The following NEGR1 variants were observed in gnomAD, a reference collection of about 807,000 sequenced individuals.
NEGR1 encodes neuronal growth regulator 1, also known as IgLON family member 4.
A neutral mutation model predicts 40.9 loss-of-function variants in NEGR1; 10 were observed. The observed-to-expected ratio is 0.24, with a 90% confidence interval of 0.15 to 0.42. The LOEUF (loss-of-function observed/expected upper bound fraction) is 0.42, where lower values mean the gene tolerates loss of function less well. NEGR1 is among the 10% of genes least tolerant of loss of function. NEGR1 has a pLI of 1.00. For missense variants in NEGR1, 352 were observed against 438.9 expected (o/e 0.80, Z 1.77); for synonymous variants, 185 against 166.8 (o/e 1.11, Z -0.84).
At position 72,216,384 on chromosome 1, in the gene NEGR1, C is replaced by T. The variant is rs370971599; in HGVS notation, c.176+65935G>A. 3.9e-4 allele frequency among the ~76,000 whole-genome samples: 51 copies of T among 129,246 alleles called. 1 individual carries two copies. The South Asian group carries it at 0.01, about 26-fold the overall frequency. 84.8% of individuals were successfully genotyped at this position (129,246 alleles called of 152,430 possible). Reference sequence around the variant, plus strand: ...AGAACTTGGAAGTTATATATATATACATATATATATATATATACATATATA... The same window carrying T: ...AGAACTTGGAAGTTATATATATATATATATATATATATATATACATATATA... On this transcript the variant is annotated intron_variant, in intron 1 of 6. Transcript: ENST00000357731.
rs189783905 is a variant in NEGR1 at position 71,943,238 on chromosome 1, A to G, written c.177-7927T>C. On this transcript the variant is annotated intron_variant, in intron 1 of 6. Transcript: ENST00000357731. ...AAGTTTGTTTTATGTATATACTCAC[A>G]CATACACACACATACATACACATGT... is the stretch of plus-strand genomic sequence containing the variant. Among the ~76,000 whole-genome samples, 874 of 147,562 alleles carry G rather than the reference A, an allele frequency of 5.9e-3. 11 individuals are homozygous for G. Among genetic ancestry groups the G allele is most frequent in the Non-Finnish European group, 5.3e-3 (355 of 67,556 alleles).
At chr1:71,429,959 T>C (rs550239316) in intron 6 of NEGR1, among the ~76,000 whole-genome samples, 14 of 152,344 alleles carry the variant, frequency 9.2e-5, no homozygotes, top group African/African-American at 2.4e-4. Flanking sequence ...CTGCCTACTA[T>C]GTTCAAGGCC....
intron 6 of NEGR1, among the ~76,000 whole-genome samples, chr1:71,564,388 C>T: frequency 6.6e-6 from 1 of 152,030 alleles, no homozygotes; most frequent in Non-Finnish European, 1.5e-5. Context: ...AGGATTTGGA[C>T]CCAGTTCTGT....
chr1:71,669,377 T>A (rs887679189), intron 4 of NEGR1, among the ~76,000 whole-genome samples: 1 of 152,058 alleles, frequency 6.6e-6, no homozygotes, highest in African/African-American at 2.4e-5. Flanking sequence ...ACTTGTTTTT[T>A]AAAATCTACT....
At chr1:71,915,277 C>A (rs1402948123) in intron 2 of NEGR1, among the ~76,000 whole-genome samples, 1 of 151,996 alleles carries the variant, frequency 6.6e-6, no homozygotes. Flanking sequence ...TTGGCATATG[C>A]ATTTATCTAT....
intron 1 of NEGR1, among the ~76,000 whole-genome samples, chr1:71,991,957 A>C (rs1021275889): frequency 2.6e-5 from 4 of 151,766 alleles, no homozygotes; most frequent in African/African-American, 9.7e-5. Context: ...ACACCTGGCT[A>C]ATTTTTTTTT....
At chr1:71,747,242 G>A (rs1433340916) in intron 3 of NEGR1, among the ~76,000 whole-genome samples, 1 of 152,014 alleles carries the variant, frequency 6.6e-6, no homozygotes, top group African/African-American at 2.4e-5. Flanking sequence ...AAAGGATGAA[G>A]TATTTCCTTT....
At position 72,139,423 on chromosome 1, in the gene NEGR1, A is replaced by C. The variant is rs528268548; in HGVS notation, c.176+142896T>G. Among the ~76,000 whole-genome samples the C allele has an allele frequency of 1.1e-3, 160 of 152,178 alleles. 1 individual carries two copies. The highest frequency in any genetic ancestry group is 1.5e-3 in the Non-Finnish European group (100 of 67,954). ...TCATACTGATCAGAAAAAAATAAAAATATTTGATCATTATCAAGAAATATG... is the reference window on the plus strand; with the variant it reads ...TCATACTGATCAGAAAAAAATAAAACTATTTGATCATTATCAAGAAATATG... On this transcript the variant is annotated intron_variant, in intron 1 of 6. Coordinates refer to ENST00000357731, the MANE Select transcript of NEGR1 (RefSeq NM_173808.3).
At chr1:72,056,359 A>G (rs146088890) in intron 1 of NEGR1, among the ~76,000 whole-genome samples, 124 of 151,466 alleles carry the variant, frequency 8.2e-4, no homozygotes, top group African/African-American at 3.0e-3. Context: ...TGGCAATACA[A>G]GGAGGGTTAC....
intron 3 of NEGR1, among the ~76,000 whole-genome samples, chr1:71,745,621 T>C (rs1462142773): frequency 6.6e-6 from 1 of 152,108 alleles, no homozygotes; most frequent in Non-Finnish European, 1.5e-5. Context: ...GTAAAAATTT[T>C]GGGAAAGTTT....
At chr1:72,268,615 C>T (rs1655734482) in intron 1 of NEGR1, among the ~76,000 whole-genome samples, 1 of 150,740 alleles carries the variant, frequency 6.6e-6, no homozygotes, top group African/African-American at 2.4e-5. Flanking sequence ...TAACAGATTA[C>T]CTATAGGAAA....
At chr1:71,818,309 A>T (rs959767500) in intron 2 of NEGR1, among the ~76,000 whole-genome samples, 4 of 152,068 alleles carry the variant, frequency 2.6e-5, no homozygotes, top group Non-Finnish European at 5.9e-5. Flanking sequence ...AGTAGACTGG[A>T]TCAACAAAAT....
chr1:71,611,276 C>T (rs895483338), intron 4 of NEGR1, 130 bp from the exon 5 acceptor site: 3 of 765,016 alleles, frequency 3.9e-6, no homozygotes, highest in South Asian at 1.8e-5. Context: ...CAACGCATCA[C>T]ATTTTCAGTG....
At chr1:71,924,975 C>A (rs557132284) in intron 2 of NEGR1, among the ~76,000 whole-genome samples, 1 of 151,420 alleles carries the variant, frequency 6.6e-6, no homozygotes, top group African/African-American at 2.4e-5. Flanking sequence ...TTAAGCAAAA[C>A]GATTGGCATG....
chr1:71,767,055 T>C (rs1656158734), intron 3 of NEGR1, among the ~76,000 whole-genome samples: 1 of 152,224 alleles, frequency 6.6e-6, no homozygotes, highest in African/African-American at 2.4e-5. Context: ...GTCTCGGGTA[T>C]TTCTTTATAG....
chr1:71,890,190 A>T (rs1364280707), intron 2 of NEGR1, among the ~76,000 whole-genome samples: 1 of 115,852 alleles, frequency 8.6e-6, no homozygotes, highest in African/African-American at 3.4e-5. Context: ...TAACATCATA[A>T]TGACAGGATC....
intron 1 of NEGR1, among the ~76,000 whole-genome samples, chr1:71,940,961 G>T (rs61765311): frequency 0.12 from 17,954 of 152,148 alleles, 1,153 homozygotes; most frequent in Middle Eastern, 0.21. Flanking sequence ...TTATTCAGCT[G>T]TATGGAGAAA....
At chr1:71,763,584 T>C (rs1206904802) in intron 3 of NEGR1, among the ~76,000 whole-genome samples, 1 of 152,172 alleles carries the variant, frequency 6.6e-6, no homozygotes, top group Non-Finnish European at 1.5e-5. Context: ...TTAAATGAGA[T>C]AAGTATGTGA....
chr1:71,707,124 GA>G (rs35144443), intron 3 of NEGR1, among the ~76,000 whole-genome samples: 75,339 of 151,666 alleles, frequency 0.5, 18,750 homozygotes, highest in East Asian at 0.63. Context: ...AAAAGCAAAG[GA>G]AAAAAAGGGG....
Sources: allele counts gnomAD v4.1 joint callset (sites outside exome capture counted in the v4.1 genomes callset), GRCh38; gene constraint gnomAD v4.1.1; transcripts MANE v1.5; gene names NCBI Gene and HGNC (gene_info 2026-07-23, HGNC 2026-07-21).